The following CCDC91 variants were observed in gnomAD, a reference collection of about 807,000 sequenced individuals.
The protein encoded by CCDC91 is coiled-coil domain-containing protein 91.
CCDC91 carries 48 observed loss-of-function variants against 63.2 expected under a neutral mutation model. That is an observed-to-expected ratio of 0.76 (90% CI 0.60 to 0.97). The LOEUF (loss-of-function observed/expected upper bound fraction) is 0.97. Ranked by LOEUF, CCDC91 falls within the 50% of genes least tolerant of loss-of-function variation. The probability of loss-of-function intolerance (pLI) is 0.00; values close to 1 mark genes in which losing one functional copy is unlikely to be tolerated. For missense variants in CCDC91, 500 were observed against 494.6 expected (o/e 1.01, Z -0.10); for synonymous variants, 167 against 165.8 (o/e 1.01, Z -0.06).
rs1426708024 is a variant in CCDC91, at chr12:28,367,824, A to G, written c.654+5309A>G. On this transcript the variant is annotated intron_variant, in intron 7 of 12. Coordinates refer to ENST00000536442, the MANE Select transcript of CCDC91 (RefSeq NM_018318.5). ...ATAAGATTAACATTTACATCTGTGA[A>G]CTTTGAATATGGCAAATTTCCCTCC... is the stretch of plus-strand genomic sequence containing the variant. Among the ~76,000 whole-genome samples the G allele has an allele frequency of 2.0e-5, 3 of 152,096 alleles. No homozygotes were observed. In the East Asian group the frequency reaches 5.8e-4, roughly 29 times the overall value.
intron 3 of CCDC91, among the ~76,000 whole-genome samples, chr12:28,276,067 A>T (rs960077126): frequency 6.6e-6 from 1 of 152,128 alleles, no homozygotes; most frequent in East Asian, 1.9e-4. Context: ...GGCACAAGAC[A>T]GGGATGCCCT....
At chr12:28,511,524 CA>C (rs2141282495) in intron 12 of CCDC91, among the ~76,000 whole-genome samples, 1 of 151,860 alleles carries the variant, frequency 6.6e-6, no homozygotes, top group Non-Finnish European at 1.5e-5. Flanking sequence ...GTTTTCCCCT[CA>C]AGAAGAATGA....
chr12:28,485,564 AC>A lies in CCDC91; in HGVS notation c.1215+1401del, dbSNP rs1451945176. On this transcript the variant is annotated intron_variant, in intron 12 of 12. Coordinates refer to ENST00000536442, the MANE Select transcript of CCDC91 (RefSeq NM_018318.5). Reference sequence around the variant, plus strand: ...AGGTTTCAACAGAGGAGAATTTGTCACCAGAGTAAAAACTTCCTAAGTAGTC... The same window carrying A: ...AGGTTTCAACAGAGGAGAATTTGTCACAGAGTAAAAACTTCCTAAGTAGTC... Among the ~76,000 whole-genome samples the A allele has an allele frequency of 5.3e-5, 8 of 152,258 alleles. No individual in the cohort carries two copies. The South Asian group carries it at 1.7e-3, about 32-fold the overall frequency.
chr12:28,214,721 T>C (rs1943456771), intron 1 of CCDC91, among the ~76,000 whole-genome samples: 1 of 152,178 alleles, frequency 6.6e-6, no homozygotes, highest in Non-Finnish European at 1.5e-5. Context: ...TCAAGGGAAA[T>C]AGAAATGTCA....
At chr12:28,409,263 C>G (rs1195673787) in intron 8 of CCDC91, among the ~76,000 whole-genome samples, 1 of 152,016 alleles carries the variant, frequency 6.6e-6, no homozygotes, top group Non-Finnish European at 1.5e-5. Flanking sequence ...TCTTTCTATT[C>G]CTAGTTTTTA....
At chr12:28,346,524 C>G (rs1942823121) in intron 6 of CCDC91, among the ~76,000 whole-genome samples, 2 of 152,136 alleles carry the variant, frequency 1.3e-5, no homozygotes, top group African/African-American at 4.8e-5. Flanking sequence ...ACCGTCCCTT[C>G]AGTGTGTAGT....
chr12:28,432,150 A>T (rs534595684), intron 8 of CCDC91, among the ~76,000 whole-genome samples: 1 of 152,218 alleles, frequency 6.6e-6, no homozygotes, highest in South Asian at 2.1e-4. Context: ...ATAGGTAAAC[A>T]TGTGCCATGG....
At chr12:28,511,985 G>T (rs765800877) in intron 12 of CCDC91, among the ~76,000 whole-genome samples, 5 of 151,760 alleles carry the variant, frequency 3.3e-5, no homozygotes, top group Non-Finnish European at 5.9e-5. Context: ...AAATGGCTCT[G>T]AATCTCATTA....
intron 1 of CCDC91, among the ~76,000 whole-genome samples, chr12:28,252,183 A>G (rs1946157429): frequency 6.6e-6 from 1 of 152,048 alleles, no homozygotes; most frequent in Non-Finnish European, 1.5e-5. Context: ...CTTTGAATGA[A>G]GCCTATTTTC....
chr12:28,459,304 A>G (rs1342172751), intron 11 of CCDC91, among the ~76,000 whole-genome samples: 3 of 152,198 alleles, frequency 2.0e-5, no homozygotes, highest in Non-Finnish European at 4.4e-5. Context: ...TTATTATAAA[A>G]AGACCTGTTT....
chr12:28,528,479 G>A (rs1002899443), intron 12 of CCDC91, among the ~76,000 whole-genome samples: 7 of 152,178 alleles, frequency 4.6e-5, no homozygotes, highest in Non-Finnish European at 1.0e-4. Flanking sequence ...AGTATTTGGG[G>A]TGTCTCCCAG....
intron 12 of CCDC91, among the ~76,000 whole-genome samples, chr12:28,529,364 G>A (rs1019846812): frequency 2.0e-5 from 3 of 152,194 alleles, no homozygotes; most frequent in African/African-American, 7.2e-5. Context: ...TGCATAAGGG[G>A]ACGTGATGAC....
At chr12:28,372,585 A>AT (rs34189454) in intron 7 of CCDC91, among the ~76,000 whole-genome samples, 69 of 148,472 alleles carry the variant, frequency 4.6e-4, no homozygotes, top group African/African-American at 1.1e-3. Context: ...GGGTATTTAA[A>AT]TTTTTTTTTT....
intron 7 of CCDC91, among the ~76,000 whole-genome samples, chr12:28,363,045 G>A (rs1426755852): frequency 1.3e-5 from 2 of 151,994 alleles, no homozygotes; most frequent in Admixed American, 6.5e-5. Context: ...AGCACATTGA[G>A]CATTTAATGT....
chr12:28,441,371 GAAAT>G (rs1381367519), intron 8 of CCDC91, among the ~76,000 whole-genome samples: 2 of 151,802 alleles, frequency 1.3e-5, no homozygotes, highest in Non-Finnish European at 2.9e-5. Context: ...GTATGCAAAA[GAAAT>G]AAAAATGTAT....
intron 12 of CCDC91, among the ~76,000 whole-genome samples, chr12:28,520,929 A>G (rs563923666): frequency 3.3e-5 from 5 of 152,130 alleles, no homozygotes; most frequent in South Asian, 2.1e-4. Context: ...GCATTGGTCT[A>G]TATCTCTGTT....
At chr12:28,536,849 T>C (rs771203261) in intron 12 of CCDC91, among the ~76,000 whole-genome samples, 9 of 152,132 alleles carry the variant, frequency 5.9e-5, no homozygotes, top group Non-Finnish European at 7.4e-5. Context: ...CCAGAAGTGA[T>C]TGTGGCAACT....
At chr12:28,366,888 G>C (rs1944311032) in intron 7 of CCDC91, among the ~76,000 whole-genome samples, 1 of 152,038 alleles carries the variant, frequency 6.6e-6, no homozygotes, top group South Asian at 2.1e-4. Flanking sequence ...ACCATGTCCA[G>C]AAATAACAAG....
At chr12:28,319,190 A>G (rs944640799) in intron 6 of CCDC91, 1 of 151,998 alleles carries the variant, frequency 6.6e-6, no homozygotes, top group African/African-American at 2.4e-5. Context: ...GGTGAATTTA[A>G]GCAAATAAAC....
Sources: allele counts gnomAD v4.1 joint callset (sites outside exome capture counted in the v4.1 genomes callset), GRCh38; gene constraint gnomAD v4.1.1; transcripts MANE v1.5; gene names NCBI Gene and HGNC (gene_info 2026-07-23, HGNC 2026-07-21).